CRACDL: variants seen among roughly 807,000 people sequenced by gnomAD.
CRACDL encodes the protein CRACD-like protein.
In CRACDL, 26 loss-of-function variants were observed where a neutral mutation model predicts 70.6. That is an observed-to-expected ratio of 0.37 (90% CI 0.27 to 0.51). CRACDL has a LOEUF of 0.51. Among genes scored for constraint, CRACDL ranks in the 20% least tolerant of loss-of-function variants. CRACDL has a pLI of 0.94. For missense variants in CRACDL, 1,283 were observed against 1,376.9 expected, an observed-to-expected ratio of 0.93 and a Z score of 1.08; for synonymous variants, 618 against 615.2, an observed-to-expected ratio of 1.00 and a Z score of -0.07.
Position 98,823,282 on chromosome 2 carries a change from C to T in CRACDL, c.991G>A (p.Asp331Asn). 7.1e-7 allele frequency: 1 copy of T among 1,414,962 alleles called. No individual in the cohort carries two copies. Among genetic ancestry groups the T allele is most frequent in the Non-Finnish European group, 9.1e-7 (1 of 1,095,176 alleles). The allele number at this position is 1,414,962 out of a possible 1,614,324, so 87.7% of individuals were successfully genotyped here. The change falls in exon 7 of 10, where the codon GAC (aspartate) becomes AAC (asparagine). Residue 331 changes from aspartate to asparagine, a missense_variant. Physicochemically the swap from Asp to Asn is conservative, Grantham distance 23. Transcript: ENST00000397899. The surrounding 1 kb of genome is among the most constrained non-coding windows in gnomAD (Gnocchi z 4.0). Reference sequence around the variant, plus strand: ...GGGGTGGCCGGGCGGCTTGAGGGGTCCTCCCCGGGGACGCCCCCCTCCTCC... The same window carrying T: ...GGGGTGGCCGGGCGGCTTGAGGGGTTCTCCCCGGGGACGCCCCCCTCCTCC... ...SVEEGGVPGEDPSSRPATPEL... is the reference protein window; with the variant it reads ...SVEEGGVPGENPSSRPATPEL...
At chr2:98,885,190 T>C (rs1707769109) in intron 1 of CRACDL, among the ~76,000 whole-genome samples, 1 of 152,206 alleles carries the variant, frequency 6.6e-6, no homozygotes, top group Non-Finnish European at 1.5e-5. Flanking sequence ...AGACAGTGAC[T>C]GAAATCTGCT....
intron 1 of CRACDL, among the ~76,000 whole-genome samples, chr2:98,863,593 G>C (rs1707020129): frequency 6.6e-6 from 1 of 152,130 alleles, no homozygotes. Flanking sequence ...AGAGGTACAG[G>C]CTTTTAAAAC....
intron 1 of CRACDL, among the ~76,000 whole-genome samples, chr2:98,898,475 G>A (rs1708184769): frequency 6.6e-6 from 1 of 152,256 alleles, no homozygotes; most frequent in Admixed American, 6.5e-5. Flanking sequence ...TCGCATCACA[G>A]TCAGGTAGGG....
chr2:98,825,207 C>A (rs775369300), intron 6 of CRACDL, among the ~76,000 whole-genome samples: 2 of 152,144 alleles, frequency 1.3e-5, no homozygotes, highest in African/African-American at 4.8e-5. Context: ...GGTTCCACAA[C>A]AGTGGATGGA....
Position 98,823,992 on chromosome 2 carries a change from G to A in CRACDL, c.736-455C>T, listed in dbSNP as rs921693063. 2.6e-5 allele frequency among the ~76,000 whole-genome samples: 4 copies of A among 152,150 alleles called. No individual in the cohort carries two copies. Among genetic ancestry groups the A allele is most frequent in the African/African-American group, 9.7e-5 (4 of 41,416 alleles). On this transcript the variant is annotated intron_variant, in intron 6 of 9. Coordinates refer to ENST00000397899, the MANE Select transcript of CRACDL (RefSeq NM_207362.3). This position sits in a 1 kb window ranked among gnomAD's most constrained non-coding sequence, Gnocchi z 4.0. ...TTCAAGCCTGGGCAAGCAGGTGGCCGAGCTGAACAGCTGGGACTCTATGGC... is the reference window on the plus strand; with the variant it reads ...TTCAAGCCTGGGCAAGCAGGTGGCCAAGCTGAACAGCTGGGACTCTATGGC...
intron 1 of CRACDL, among the ~76,000 whole-genome samples, chr2:98,898,165 C>CT (rs1174495283): frequency 2.0e-5 from 3 of 152,204 alleles, no homozygotes; most frequent in African/African-American, 7.2e-5. Context: ...AAGGAAAATC[C>CT]TCTGTTGGTC....
intron 9 of CRACDL, among the ~76,000 whole-genome samples, chr2:98,795,078 T>TA (rs1461039601): frequency 0.22 from 4,093 of 18,242 alleles, 689 homozygotes; most frequent in African/African-American, 0.3. Context: ...TATATATATA[T>TA]TTTTTTTTTT....
At chr2:98,866,740 G>A (rs1361932958) in intron 1 of CRACDL, among the ~76,000 whole-genome samples, 1 of 151,298 alleles carries the variant, frequency 6.6e-6, no homozygotes, top group Admixed American at 6.6e-5. Context: ...GTGATCCCCC[G>A]CCTCAGCCTC....
intron 7 of CRACDL, among the ~76,000 whole-genome samples, chr2:98,801,186 G>T (rs984977565): frequency 7.9e-5 from 12 of 152,204 alleles, no homozygotes; most frequent in Non-Finnish European, 1.8e-4. Flanking sequence ...TGTCAGGAAT[G>T]CAAGAGGGCC....
rs1575309686 is a variant in CRACDL, at chr2:98,794,447, C to G, written c.*85G>C. 8.4e-7 allele frequency: 1 copy of G among 1,196,076 alleles called. No homozygotes were observed. The highest frequency in any genetic ancestry group is 2.4e-5 in the East Asian group (1 of 41,890). 74.1% of individuals were successfully genotyped at this position (1,196,076 alleles called of 1,614,324 possible). ...TGATAAAATCAATCTTTAAGTTTCA[C>G]AGTTTGTTTGCCACAATACACTGGC... On this transcript the variant is annotated 3_prime_UTR_variant, in exon 10 of 10. Coordinates refer to ENST00000397899, the MANE Select transcript of CRACDL (RefSeq NM_207362.3).
chr2:98,804,916 T>C (rs1245905010), intron 7 of CRACDL, among the ~76,000 whole-genome samples: 4 of 152,220 alleles, frequency 2.6e-5, no homozygotes, highest in African/African-American at 9.6e-5. Context: ...TTGCAGTGAC[T>C]TCTCAGAGCA....
At chr2:98,890,982 A>G (rs1459612364) in intron 1 of CRACDL, among the ~76,000 whole-genome samples, 1 of 151,756 alleles carries the variant, frequency 6.6e-6, no homozygotes, top group African/African-American at 2.4e-5. Context: ...GCTTGAACCC[A>G]GGAGATGGAG....
chr2:98,835,943 T>C (rs569891627), intron 3 of CRACDL, among the ~76,000 whole-genome samples: 1 of 152,330 alleles, frequency 6.6e-6, no homozygotes, highest in South Asian at 2.1e-4. Flanking sequence ...TGACTCATCA[T>C]GGGATGTGAC....
intron 1 of CRACDL, among the ~76,000 whole-genome samples, chr2:98,881,870 G>A (rs1400466763): frequency 6.6e-6 from 1 of 152,158 alleles, no homozygotes; most frequent in Non-Finnish European, 1.5e-5. Context: ...TCCAACACAG[G>A]CTTAAGGCAG....
chr2:98,808,631 G>T (rs1704423008), intron 7 of CRACDL, among the ~76,000 whole-genome samples: 1 of 152,156 alleles, frequency 6.6e-6, no homozygotes, highest in Admixed American at 6.5e-5. Flanking sequence ...CCCCAGGGCT[G>T]CCCATGCTAT....
At chr2:98,830,589 G>GAAT (rs1705499784) in intron 5 of CRACDL, among the ~76,000 whole-genome samples, 1 of 152,050 alleles carries the variant, frequency 6.6e-6, no homozygotes, top group South Asian at 2.1e-4. Context: ...TTACCTTTCT[G>GAAT]TTTTTAAGTC....
chr2:98,816,826 T>C (rs1704800961), intron 7 of CRACDL, among the ~76,000 whole-genome samples: 1 of 152,214 alleles, frequency 6.6e-6, no homozygotes, highest in African/African-American at 2.4e-5. Context: ...AAAGTTGGTT[T>C]TCTTTAAGAA....
chr2:98,920,198 A>G (rs1708767449), intron 1 of CRACDL, among the ~76,000 whole-genome samples: 2 of 152,200 alleles, frequency 1.3e-5, no homozygotes, highest in Admixed American at 6.5e-5. Flanking sequence ...CACGCTGAAC[A>G]TCTCTACCTG....
chr2:98,831,565 C>T (rs1261400419), intron 5 of CRACDL, among the ~76,000 whole-genome samples: 1 of 152,222 alleles, frequency 6.6e-6, no homozygotes, highest in Non-Finnish European at 1.5e-5. Flanking sequence ...CCAACTCTAT[C>T]CATCCTCCAC....
Sources: gnomAD v4.1 joint callset for allele counts (sites outside exome capture counted in the v4.1 genomes callset) on GRCh38, gnomAD v4.1.1 for gene constraint, Gnocchi (gnomAD v3.1) non-coding constraint, MANE v1.5 for transcripts, NCBI Gene and HGNC (gene_info 2026-07-23, HGNC 2026-07-21) for gene names.